ADORA2B: variants seen among roughly 807,000 people sequenced by gnomAD.
ADORA2B encodes the protein adenosine A2b receptor.
In ADORA2B, 18 loss-of-function variants were observed where a neutral mutation model predicts 20.8. That is an observed-to-expected ratio of 0.87 (90% CI 0.60 to 1.29). The LOEUF (loss-of-function observed/expected upper bound fraction) is 1.29. Among genes scored for constraint, ADORA2B ranks in the 50% most tolerant of loss-of-function variants. The pLI is 0.00. For missense variants in ADORA2B, 441 were observed against 422.7 expected (o/e 1.04, Z -0.38); for synonymous variants, 179 against 178.3 (o/e 1.00, Z -0.03).
intron 1 of ADORA2B, among the ~76,000 whole-genome samples, chr17:15,964,780 G>A (rs1290301572): frequency 6.6e-6 from 1 of 151,222 alleles, no homozygotes; most frequent in Non-Finnish European, 1.5e-5. Flanking sequence ...AAAAAAATCT[G>A]GCCGGGCGCG....
At chr17:15,888,815 C>CATATATATATATATATATAT in the ADORA2B span, among the ~76,000 whole-genome samples, 2 of 15,730 alleles carry the variant, frequency 1.3e-4, no homozygotes, top group East Asian at 1.5e-3. Context: ...TATGTGATGC[C>CATATATATATATATATATAT]ATATATATAT....
the ADORA2B span, among the ~76,000 whole-genome samples, chr17:15,860,207 T>A: frequency 6.6e-6 from 1 of 152,194 alleles, no homozygotes; most frequent in Non-Finnish European, 1.5e-5. Flanking sequence ...AATTGCTTAC[T>A]CAGGGAGCTC....
the ADORA2B span, among the ~76,000 whole-genome samples, chr17:15,898,291 TTTTA>T: frequency 9.9e-5 from 15 of 152,116 alleles, no homozygotes; most frequent in Non-Finnish European, 1.8e-4. Context: ...TATTTTTTAT[TTTTA>T]TTTATTTATT....
chr17:15,883,213 C>A, the ADORA2B span, among the ~76,000 whole-genome samples: 2 of 152,116 alleles, frequency 1.3e-5, no homozygotes, highest in African/African-American at 2.4e-5. Context: ...AGAACTAATT[C>A]TTTAATTATT....
chr17:15,918,337 C>T, the ADORA2B span, among the ~76,000 whole-genome samples: 2 of 152,214 alleles, frequency 1.3e-5, no homozygotes, highest in Non-Finnish European at 2.9e-5. Context: ...TCTTCTTTTG[C>T]GTCTTCTGGC....
the ADORA2B span, among the ~76,000 whole-genome samples, chr17:15,939,778 A>T: frequency 2.0e-5 from 3 of 150,312 alleles, no homozygotes; most frequent in Non-Finnish European, 4.4e-5. Flanking sequence ...GGAGAATGGC[A>T]TGAACCCAGG....
At chr17:15,969,151 T>G (rs1970156321) in intron 1 of ADORA2B, among the ~76,000 whole-genome samples, 1 of 152,082 alleles carries the variant, frequency 6.6e-6, no homozygotes, top group East Asian at 1.9e-4. Flanking sequence ...CTTACCTTCT[T>G]TAATAATCTG....
At chr17:15,965,206 C>G (rs945163259) in intron 1 of ADORA2B, among the ~76,000 whole-genome samples, 8 of 152,324 alleles carry the variant, frequency 5.3e-5, no homozygotes, top group Admixed American at 3.9e-4. Context: ...CATGTTCATG[C>G]ACTTGATGTT....
chr17:15,858,165 T>A, the ADORA2B span, among the ~76,000 whole-genome samples: 1 of 152,158 alleles, frequency 6.6e-6, no homozygotes, highest in Non-Finnish European at 1.5e-5. Flanking sequence ...TATTGTTATG[T>A]TTTTGAGGAA....
chr17:15,886,992 C>G, the ADORA2B span, among the ~76,000 whole-genome samples: 2 of 131,000 alleles, frequency 1.5e-5, 1 homozygote, highest in Non-Finnish European at 3.2e-5. Flanking sequence ...CAACCAGACC[C>G]TGTGTCACGA....
chr17:15,897,376 T>A, the ADORA2B span, among the ~76,000 whole-genome samples: 1 of 152,188 alleles, frequency 6.6e-6, no homozygotes, highest in African/African-American at 2.4e-5. Context: ...GAGTCCAGTC[T>A]GGGCAACATA....
At position 15,974,776 on chromosome 17, in the gene ADORA2B, A is replaced by G; in HGVS notation, c.433A>G (p.Asn145Asp). The part of the protein sequence containing the change: ...GIGLTPFLGW[N>D]SKDSATNNCT... ...CGGATTGACTCCATTCCTGGGGTGGAACAGTAAAGACAGTGCCACCAACAA... is the reference window on the plus strand; with the variant it reads ...CGGATTGACTCCATTCCTGGGGTGGGACAGTAAAGACAGTGCCACCAACAA... The change falls in exon 2 of 2, where the codon AAC (asparagine) becomes GAC (aspartate). Residue 145 changes from asparagine (N) to aspartate (D), a missense_variant. Physicochemically the swap from Asn to Asp is conservative, Grantham distance 23. Transcript: ENST00000304222. 1.2e-6 allele frequency: 2 copies of G among 1,613,862 alleles called. No homozygotes were observed. Among genetic ancestry groups the G allele is most frequent in the Non-Finnish European group, 1.7e-6 (2 of 1,179,976 alleles).
the ADORA2B span, among the ~76,000 whole-genome samples, chr17:15,924,055 G>T: frequency 6.6e-6 from 1 of 152,134 alleles, no homozygotes; most frequent in African/African-American, 2.4e-5. Flanking sequence ...TGGGATTACA[G>T]GCACCCACCA....
At chr17:15,901,471 GAAA>G in the ADORA2B span, among the ~76,000 whole-genome samples, 3 of 124,120 alleles carry the variant, frequency 2.4e-5, no homozygotes, top group South Asian at 7.8e-4. Flanking sequence ...TCTCAAAAGA[GAAA>G]AAAAAAAAAA....
chr17:15,873,661 A>G, the ADORA2B span, among the ~76,000 whole-genome samples: 1 of 152,222 alleles, frequency 6.6e-6, no homozygotes, highest in African/African-American at 2.4e-5. Flanking sequence ...ATCGCTAATC[A>G]TTAGGGAAAT....
intron 1 of ADORA2B, among the ~76,000 whole-genome samples, chr17:15,950,068 T>C (rs1969876931): frequency 6.6e-6 from 1 of 152,192 alleles, no homozygotes; most frequent in South Asian, 2.1e-4. Context: ...TTCCCTTATA[T>C]GGCCAAAACA....
At chr17:15,900,222 T>A in the ADORA2B span, among the ~76,000 whole-genome samples, 1 of 152,196 alleles carries the variant, frequency 6.6e-6, no homozygotes, top group Non-Finnish European at 1.5e-5. Flanking sequence ...TGAACATACA[T>A]GTGCATTTGT....
the ADORA2B span, among the ~76,000 whole-genome samples, chr17:15,907,855 A>C: frequency 6.6e-6 from 1 of 152,320 alleles, no homozygotes; most frequent in South Asian, 2.1e-4. Context: ...TGACGAGGTG[A>C]GCGTACGCTG....
chr17:15,852,455 T>C, the ADORA2B span, among the ~76,000 whole-genome samples: 80 of 152,148 alleles, frequency 5.3e-4, no homozygotes, highest in African/African-American at 1.8e-3. Context: ...CCTCAACTTA[T>C]AGCCACATTA....
Sources: gnomAD v4.1 joint callset for allele counts (sites outside exome capture counted in the v4.1 genomes callset) on GRCh38, gnomAD v4.1.1 for gene constraint, MANE v1.5 for transcripts, NCBI Gene and HGNC (gene_info 2026-07-23, HGNC 2026-07-21) for gene names.